PCCA: variants seen among roughly 807,000 people sequenced by gnomAD.
PCCA encodes propionyl-CoA carboxylase alpha chain, mitochondrial.
Under a neutral mutation model 101.3 loss-of-function variants are expected in PCCA, and 74 were observed. The observed-to-expected ratio is 0.73, with a 90% confidence interval of 0.61 to 0.89. PCCA has a LOEUF of 0.89. Ranked by LOEUF, PCCA falls within the 40% of genes least tolerant of loss-of-function variation. The pLI, the probability that PCCA is intolerant of heterozygous loss-of-function variation, is 0.00. For missense variants in PCCA, 891 were observed against 907.0 expected (o/e 0.98, Z 0.23); for synonymous variants, 294 against 313.6 (o/e 0.94, Z 0.66).
chr13:100,122,504 A>G (rs544656692), intron 4 of PCCA, among the ~76,000 whole-genome samples: 13 of 151,952 alleles, frequency 8.6e-5, no homozygotes, highest in Admixed American at 2.0e-4. Context: ...CTACCTTTTT[A>G]CTTATTGTAG....
chr13:100,273,971 C>T (rs545123578), intron 12 of PCCA, among the ~76,000 whole-genome samples: 40 of 152,180 alleles, frequency 2.6e-4, no homozygotes, highest in Non-Finnish European at 4.3e-4. Context: ...CAGAAACATA[C>T]ATAGAACACA....
chr13:100,510,431 T>G (rs926293729), intron 21 of PCCA, among the ~76,000 whole-genome samples: 1 of 152,236 alleles, frequency 6.6e-6, no homozygotes, highest in Admixed American at 6.5e-5. Flanking sequence ...GGAATTGAAA[T>G]AAGTGTTTGT....
Position 100,208,264 on chromosome 13 carries a change from A to C in PCCA, c.469-1068A>C, listed in dbSNP as rs370328720. ...TCTTGGTCATGATGGCCAGGAGAGC[A>C]GTCCAAGCAACAGGCTACTCAGCTG... On this transcript the variant is annotated intron_variant, in intron 6 of 23. Transcript: ENST00000376285. 4.1e-4 allele frequency among the ~76,000 whole-genome samples: 63 copies of C among 152,286 alleles called. No homozygotes were observed. The East Asian group carries it at 0.012, about 28-fold the overall frequency.
At chr13:100,274,041 A>G (rs1441969411) in intron 12 of PCCA, among the ~76,000 whole-genome samples, 1 of 152,214 alleles carries the variant, frequency 6.6e-6, no homozygotes, top group Non-Finnish European at 1.5e-5. Context: ...AACTGGGCCT[A>G]GAAGTATTTA....
chr13:100,417,212 T>A (rs2078434601), intron 19 of PCCA, among the ~76,000 whole-genome samples: 1 of 152,224 alleles, frequency 6.6e-6, no homozygotes, highest in Non-Finnish European at 1.5e-5. Flanking sequence ...GGGGAAAGTT[T>A]TCAGAAAATA....
At chr13:100,103,640 A>G (rs892123134) in intron 2 of PCCA, among the ~76,000 whole-genome samples, 18 of 142,282 alleles carry the variant, frequency 1.3e-4, no homozygotes, top group Non-Finnish European at 1.8e-4. Flanking sequence ...TATATTATTT[A>G]TTTATTTATT....
chr13:100,251,632 G>A (rs1393173918), intron 8 of PCCA, among the ~76,000 whole-genome samples: 1 of 152,000 alleles, frequency 6.6e-6, no homozygotes, highest in African/African-American at 2.4e-5. Context: ...TTTGGATATA[G>A]GATCATCACA....
At chr13:100,103,136 T>C (rs1316437410) in intron 2 of PCCA, among the ~76,000 whole-genome samples, 176 bp downstream of exon 2, 2 of 152,210 alleles carry the variant, frequency 1.3e-5, no homozygotes, top group East Asian at 1.9e-4. Context: ...CTGTTTTTCA[T>C]TGTGGGCCAC....
chr13:100,470,440 A>G (rs1437763926), intron 21 of PCCA, among the ~76,000 whole-genome samples: 1 of 152,148 alleles, frequency 6.6e-6, no homozygotes, highest in African/African-American at 2.4e-5. Context: ...CCTCGTCTAA[A>G]TCAACACATT....
chr13:100,357,896 G>A (rs370817854), intron 18 of PCCA, among the ~76,000 whole-genome samples: 126 of 152,268 alleles, frequency 8.3e-4, no homozygotes, highest in African/African-American at 2.8e-3. Context: ...TGTGAATTCA[G>A]GTTCTCTCAA....
intron 4 of PCCA, among the ~76,000 whole-genome samples, chr13:100,113,363 G>A (rs1349237518): frequency 1.3e-5 from 2 of 152,142 alleles, no homozygotes. Context: ...TGTGAATGGA[G>A]CTTGCAGGAC....
chr13:100,101,882 C>T (rs1046476545), intron 1 of PCCA, among the ~76,000 whole-genome samples: 1 of 152,198 alleles, frequency 6.6e-6, no homozygotes, highest in South Asian at 2.1e-4. Flanking sequence ...GGATTACAGG[C>T]ATGAGCCATG....
intron 6 of PCCA, among the ~76,000 whole-genome samples, chr13:100,194,620 C>T (rs1195110725): frequency 6.6e-6 from 1 of 152,212 alleles, no homozygotes; most frequent in East Asian, 1.9e-4. Context: ...GGGGTTTCAC[C>T]ATATTGGCCA....
chr13:100,158,128 A>G (rs1043744919), intron 6 of PCCA, among the ~76,000 whole-genome samples: 3 of 152,152 alleles, frequency 2.0e-5, no homozygotes, highest in Non-Finnish European at 2.9e-5. Context: ...TAGGCTACAA[A>G]CCTATACGTG....
Position 100,135,435 on chromosome 13 carries a change from G to A in PCCA, c.301-19544G>A, listed in dbSNP as rs546331674. Among the ~76,000 whole-genome samples, 9 of 152,140 alleles carry A rather than the reference G, an allele frequency of 5.9e-5. No individual in the cohort carries two copies. The South Asian group carries it at 1.7e-3, about 28-fold the overall frequency. ...TAGGCCGGTGACAGAGTGAGACTCC[G>A]TTATTGTTTAAAAAATTTTGGTTTC... On this transcript the variant is annotated intron_variant, in intron 4 of 23. Coordinates refer to ENST00000376285, the MANE Select transcript of PCCA (RefSeq NM_000282.4).
intron 21 of PCCA, among the ~76,000 whole-genome samples, chr13:100,505,023 C>T (rs937825913): frequency 3.3e-5 from 5 of 152,204 alleles, no homozygotes; most frequent in South Asian, 2.1e-4. Context: ...CATGGAAAGT[C>T]GACCTTTCCC....
rs2074015839 is a variant in PCCA at position 100,356,917 on chromosome 13, T to C, written c.1644-11555T>C. Among the ~76,000 whole-genome samples the C allele has an allele frequency of 2.0e-5, 3 of 152,338 alleles. No homozygotes were observed. The South Asian group carries it at 6.2e-4, about 32-fold the overall frequency. ...AAATAAATGAGCTATTGATATTTTCTGCAACATGGATGAATTTTGCAAAAA... is the reference window on the plus strand; with the variant it reads ...AAATAAATGAGCTATTGATATTTTCCGCAACATGGATGAATTTTGCAAAAA... On this transcript the variant is annotated intron_variant, in intron 18 of 23. Transcript: ENST00000376285.
Position 100,221,027 on chromosome 13 carries a change from T to A in PCCA, c.600+11564T>A, listed in dbSNP as rs1427607364. Among the ~76,000 whole-genome samples the A allele has an allele frequency of 2.0e-5, 3 of 152,178 alleles. No individual in the cohort carries two copies. In the East Asian group the frequency reaches 5.8e-4, roughly 29 times the overall value. On this transcript the variant is annotated intron_variant, in intron 7 of 23. Coordinates refer to ENST00000376285, the MANE Select transcript of PCCA (RefSeq NM_000282.4). ...ATACTCAAGGTTCCCAGGTAAATTG[T>A]GTTCTATTTGGATGATGATCTGATG...
chr13:100,432,073 C>A (rs2079594026), intron 20 of PCCA, among the ~76,000 whole-genome samples: 1 of 151,514 alleles, frequency 6.6e-6, no homozygotes, highest in African/African-American at 2.4e-5. Context: ...GTGGTGCACA[C>A]CTGCAGTCCC....
Sources: gnomAD v4.1 joint callset for allele counts (sites outside exome capture counted in the v4.1 genomes callset) on GRCh38, gnomAD v4.1.1 for gene constraint, MANE v1.5 for transcripts, NCBI Gene and HGNC (gene_info 2026-07-23, HGNC 2026-07-21) for gene names.